Variants in NUP188 observed in about 807,000 individuals in gnomAD.
The protein encoded by NUP188 is nucleoporin 188, also known as nucleoporin NUP188.
Under a neutral mutation model 223.0 loss-of-function variants are expected in NUP188, and 97 were observed. The ratio of observed to expected loss-of-function variants is 0.43; its 90% confidence interval spans 0.37 to 0.51. The LOEUF (loss-of-function observed/expected upper bound fraction) is 0.51, where lower values mean the gene tolerates loss of function less well. NUP188 is among the 20% of genes least tolerant of loss of function. The pLI, the probability that NUP188 is intolerant of heterozygous loss-of-function variation, is 0.00. For synonymous variants in NUP188, 869 were observed against 828.0 expected, an observed-to-expected ratio of 1.05 and a Z score of -0.85; for missense variants, 1,947 against 2,175.6, an observed-to-expected ratio of 0.89 and a Z score of 2.09.
At position 129,001,535 on chromosome 9, in the gene NUP188, G is replaced by A. The variant is rs759834798; in HGVS notation, c.3850G>A (p.Val1284Ile). ...CATCTTTGCCTCTGGGCAGGTGTGTGTCCTGGGCCTGCACCTGGCCAAGGA... is the reference window on the plus strand; with the variant it reads ...CATCTTTGCCTCTGGGCAGGTGTGTATCCTGGGCCTGCACCTGGCCAAGGA... The part of the protein sequence containing the change: ...RHRDQRDGVC[V>I]LGLHLAKELC... The change falls in exon 35 of 44, where the codon GTC (valine) becomes ATC (isoleucine). Residue 1284 changes from valine to isoleucine, a missense_variant. Physicochemically the swap from Val to Ile is conservative, Grantham distance 29 (BLOSUM62 3). Around this residue, in one of 3 missense-constraint regions of NUP188, gnomAD observed 905 missense variants for 990.6 expected, o/e 0.91. Transcript: ENST00000372577. 4 of 1,613,528 alleles carry A rather than the reference G, an allele frequency of 2.5e-6. No individual in the cohort carries two copies. Among genetic ancestry groups the A allele is most frequent in the South Asian group, 2.2e-5 (2 of 91,084 alleles).
At chr9:128,982,018 A>C (rs1842261538) in intron 15 of NUP188, among the ~76,000 whole-genome samples, 1 of 152,028 alleles carries the variant, frequency 6.6e-6, no homozygotes, top group African/African-American at 2.4e-5. Flanking sequence ...CAGAGGTTGC[A>C]GTGAGTTGAG....
intron 38 of NUP188, among the ~76,000 whole-genome samples, chr9:129,004,208 A>C (rs190221265): frequency 7.0e-6 from 1 of 143,118 alleles, no homozygotes; most frequent in Admixed American, 7.1e-5. Flanking sequence ...GCTTGAACTC[A>C]GGAGGTGGAG....
intron 2 of NUP188, among the ~76,000 whole-genome samples, chr9:128,950,258 C>T (rs1272548509): frequency 6.6e-6 from 1 of 151,630 alleles, no homozygotes; most frequent in Non-Finnish European, 1.5e-5. Flanking sequence ...GAGTCTGGCT[C>T]TCGCCCAGGT....
Position 128,970,849 on chromosome 9 carries a change from C to G in NUP188, c.1004C>G (p.Pro335Arg). The change falls in exon 11 of 44, where the codon CCA becomes CGA. Residue 335 changes from proline to arginine, a missense_variant. By Grantham distance (103) the Pro-to-Arg change is moderately radical. Around this residue, in one of 3 missense-constraint regions of NUP188, gnomAD observed 817 missense variants for 865.8 expected, o/e 0.94. Coordinates refer to ENST00000372577, the MANE Select transcript of NUP188 (RefSeq NM_015354.3). ...GCTCTCCTCCGTCACACTCTGAACC[C>G]AGAAGAGACAAGCAGTGTGGTCCGG... ...AWALLRHTLN[P>R]EETSSVVRKI... The G allele has an allele frequency of 6.2e-7, 1 of 1,614,130 alleles. No homozygotes were observed. Among genetic ancestry groups the G allele is most frequent in the Non-Finnish European group, 8.5e-7 (1 of 1,180,026 alleles).
At chr9:128,979,412 G>A in intron 13 of NUP188, 85 bp downstream of exon 13, 1 of 939,924 alleles carries the variant, frequency 1.1e-6, no homozygotes, top group Non-Finnish European at 1.7e-6. Flanking sequence ...AAGCATTCAT[G>A]TGCATTTTCT....
At chr9:128,991,931 G>T (rs1189507473) in intron 25 of NUP188, among the ~76,000 whole-genome samples, 1 of 140,944 alleles carries the variant, frequency 7.1e-6, no homozygotes, top group East Asian at 2.1e-4. Context: ...TTTTTGAGAC[G>T]GAGTCTCGCT....
chr9:128,956,555 T>C, intron 4 of NUP188, 121 bp downstream of exon 4: 1 of 568,226 alleles, frequency 1.8e-6, no homozygotes, highest in Non-Finnish European at 3.0e-6. Context: ...GTTTTATAAA[T>C]ACCCAGGTTG....
rs1842360217 is a variant in NUP188, at chr9:128,987,823, G to C, written c.2393+106G>C. ...GCAGTAGCTTTTAGAAGACGACATTGTTCTTCCTAGGACATAGCCTTTACA... is the reference window on the plus strand; with the variant it reads ...GCAGTAGCTTTTAGAAGACGACATTCTTCTTCCTAGGACATAGCCTTTACA... On this transcript the variant is annotated intron_variant, in intron 23 of 43. Transcript: ENST00000372577. 2.8e-6 allele frequency: 4 copies of C among 1,444,682 alleles called. No homozygotes were observed. In the African/African-American group the frequency reaches 4.2e-5, roughly 15 times the overall value. The allele number at this position is 1,444,682 out of a possible 1,614,324, so 89.5% of individuals were successfully genotyped here.
rs754737929 is a variant in NUP188, at chr9:129,001,982, T to C, written c.4137+6T>C. ...GCACCAACGGCACAGCACAGGTGAG[T>C]GTCAGGAGCTTGCCAGGAGGCCCAG... On this transcript the variant is annotated splice_donor_region_variant and intron_variant, in intron 36 of 43. Transcript: ENST00000372577. 6.2e-7 allele frequency: 1 copy of C among 1,612,948 alleles called. No individual in the cohort carries two copies. The highest frequency in any genetic ancestry group is 8.5e-7 in the Non-Finnish European group (1 of 1,179,006).
chr9:128,982,567 G>T lies in NUP188; in HGVS notation c.1535G>T (p.Arg512Leu), dbSNP rs1233448072. The change falls in exon 16 of 44, where the codon CGC becomes CTC. Residue 512 changes from arginine (R) to leucine (L), a missense_variant. Arg to Leu is a moderately radical substitution (Grantham distance 102). Coordinates refer to ENST00000372577, the MANE Select transcript of NUP188 (RefSeq NM_015354.3). ...LYPLGGQTNL[R>L]IPQGTVGQVM... ...CTCTCAGGGGGTCAAACCAACCTTC[G>T]CATACCTCAAGGCACTGTGGGCCAA... is the stretch of plus-strand genomic sequence containing the variant. 6.2e-7 allele frequency: 1 copy of T among 1,612,320 alleles called. No individual in the cohort carries two copies. Among genetic ancestry groups the T allele is most frequent in the Non-Finnish European group, 8.5e-7 (1 of 1,179,484 alleles).
intron 40 of NUP188, 27 bp from the exon 41 acceptor site, chr9:129,005,618 C>T (rs1842776173): frequency 6.2e-6 from 10 of 1,612,146 alleles, no homozygotes; most frequent in Non-Finnish European, 6.8e-6. Flanking sequence ...TAATTGGGTC[C>T]TGGATGGCTC....
chr9:128,999,203 C>T lies in NUP188; in HGVS notation c.3547C>T (p.Pro1183Ser), dbSNP rs771552734. 2 of 1,614,102 alleles carry T rather than the reference C, an allele frequency of 1.2e-6. No homozygotes were observed. The highest frequency in any genetic ancestry group is 1.7e-5 in the Admixed American group (1 of 60,014). Residue 1183 changes from proline to serine, a missense_variant, in exon 33 of 44, where the codon CCC becomes TCC. By Grantham distance (74) the Pro-to-Ser change is moderately conservative. Around this residue, in one of 3 missense-constraint regions of NUP188, gnomAD observed 905 missense variants for 990.6 expected, o/e 0.91. Coordinates refer to ENST00000372577, the MANE Select transcript of NUP188 (RefSeq NM_015354.3). ...AGGTTCTGTGGATGAAATCCTTGGACCCTTGACGGAGATCCTGGAGGGAGT... is the reference window on the plus strand; with the variant it reads ...AGGTTCTGTGGATGAAATCCTTGGATCCTTGACGGAGATCCTGGAGGGAGT... ...ELGSVDEILG[P>S]LTEILEGVLQ...
At chr9:129,005,902 T>C (rs192212211) in intron 41 of NUP188, 126 bp downstream of exon 41, 20 of 1,418,994 alleles carry the variant, frequency 1.4e-5, no homozygotes, top group Admixed American at 7.8e-5. Context: ...CTCTGTAAAC[T>C]GAACATGACA....
At chr9:128,988,254 C>T (rs1038719748) in intron 24 of NUP188, 68 bp downstream of exon 24, 23 of 1,557,008 alleles carry the variant, frequency 1.5e-5, no homozygotes, top group African/African-American at 4.1e-5. Context: ...CTCATAAATA[C>T]GTATCTTAGG....
intron 15 of NUP188, 94 bp downstream of exon 15, chr9:128,981,484 C>T (rs1232519440): frequency 4.1e-6 from 5 of 1,234,542 alleles, no homozygotes; most frequent in Non-Finnish European, 4.5e-6. Flanking sequence ...AAGATCATAG[C>T]TCACTGCAGC....
At chr9:128,965,762 T>C (rs905254411) in intron 8 of NUP188, among the ~76,000 whole-genome samples, 1 of 151,882 alleles carries the variant, frequency 6.6e-6, no homozygotes, top group African/African-American at 2.4e-5. Context: ...CAGTTTTCTT[T>C]ATTGTAATGT....
At position 128,986,542 on chromosome 9, in the gene NUP188, G is replaced by A. The variant is rs371131505; in HGVS notation, c.2077-16G>A. The A allele has an allele frequency of 1.9e-6, 3 of 1,611,532 alleles. No individual in the cohort carries two copies. Among genetic ancestry groups the A allele is most frequent in the African/African-American group, 1.3e-5 (1 of 74,830 alleles). ...CCTTAAATGTGCGGAAGTCCTCACT[G>A]CATGGTTTCTTGTAGGGGCAACTTG... On this transcript the variant is annotated splice_polypyrimidine_tract_variant and intron_variant, in intron 20 of 43. Coordinates refer to ENST00000372577, the MANE Select transcript of NUP188 (RefSeq NM_015354.3).
chr9:128,977,371 G>A (rs1321565886), intron 12 of NUP188, among the ~76,000 whole-genome samples: 4 of 151,722 alleles, frequency 2.6e-5, no homozygotes, highest in Admixed American at 6.6e-5. Flanking sequence ...TGCCTGCCTC[G>A]GCCTCCCAAA....
chr9:128,956,252 G>T, intron 3 of NUP188, 98 bp from the exon 4 acceptor site: 2 of 598,468 alleles, frequency 3.3e-6, no homozygotes, highest in East Asian at 3.2e-5. Flanking sequence ...CATCTGAAGG[G>T]CAGAAAATAG....
Sources: gnomAD v4.1 joint callset for allele counts (sites outside exome capture counted in the v4.1 genomes callset) on GRCh38, gnomAD v4.1.1 for gene constraint, gnomAD v4.1.1 regional missense constraint, MANE v1.5 for transcripts, NCBI Gene and HGNC (gene_info 2026-07-23, HGNC 2026-07-21) for gene names.